Variants in DMXL1 observed in about 807,000 individuals in gnomAD.
DMXL1 encodes the protein Dmx like 1.
Under a neutral mutation model 319.2 loss-of-function variants are expected in DMXL1, and 99 were observed. That is an observed-to-expected ratio of 0.31 (90% CI 0.26 to 0.37). The LOEUF (loss-of-function observed/expected upper bound fraction) is 0.37. DMXL1 is among the 10% of genes least tolerant of loss of function. The pLI is 1.00. For synonymous variants in DMXL1, 1,385 were observed against 1,235.2 expected, an observed-to-expected ratio of 1.12 and a Z score of -2.54; for missense variants, 3,745 against 3,595.6, an observed-to-expected ratio of 1.04 and a Z score of -1.06.
intron 1 of DMXL1, among the ~76,000 whole-genome samples, chr5:119,094,606 A>T (rs1352475374): frequency 4.6e-5 from 7 of 152,214 alleles, no homozygotes; most frequent in Non-Finnish European, 1.0e-4. Context: ...TATTTAAGAA[A>T]GTTATTTCAT....
chr5:119,116,412 T>C (rs888545530), intron 7 of DMXL1, 76 bp downstream of exon 7: 141 of 1,472,134 alleles, frequency 9.6e-5, no homozygotes, highest in South Asian at 1.6e-4. Context: ...CTCTCACTTT[T>C]GAGAGTCCAT....
At chr5:119,078,962 T>A (rs73240800) in intron 1 of DMXL1, among the ~76,000 whole-genome samples, 4,220 of 152,282 alleles carry the variant, frequency 0.028, 221 homozygotes, top group African/African-American at 0.096. Context: ...GGACCCTTTT[T>A]GTTTGCGCCA....
At position 119,197,888 on chromosome 5, in the gene DMXL1, G is replaced by A. The variant is rs1265825017; in HGVS notation, c.7677G>A (p.Glu2559=). The change falls in exon 32 of 44, where the codon GAG becomes GAA. Residue 2559 remains glutamate (E), a synonymous_variant. Transcript: ENST00000539542. ...QNYIASHTAE[E]SLSAGPAILR... ...ATATCGCAAGTCATACCGCCGAAGAGAGTTTGTCTGCAGGTCCTGCAATTC... is the reference window on the plus strand; with the variant it reads ...ATATCGCAAGTCATACCGCCGAAGAAAGTTTGTCTGCAGGTCCTGCAATTC... 8 of 1,614,210 alleles carry A rather than the reference G, an allele frequency of 5.0e-6. No individual in the cohort carries two copies. In the South Asian group the frequency reaches 8.8e-5, roughly 18 times the overall value.
In DMXL1 at chr5:119,193,803, A is replaced by C. The variant is rs759901830; in HGVS notation, c.7315-25A>C. 15 of 1,606,110 alleles carry C rather than the reference A, an allele frequency of 9.3e-6. No homozygotes were observed. The Admixed American group carries it at 1.3e-4, about 14-fold the overall frequency. On this transcript the variant is annotated intron_variant, in intron 29 of 43. Coordinates refer to ENST00000539542, the MANE Select transcript of DMXL1 (RefSeq NM_001290321.3). ...GTATTAAATTAGATATGTGGCTGCT[A>C]AATTTCATGATTTCTTTATTTTAGC...
At chr5:119,119,048 T>G in intron 8 of DMXL1, 44 bp downstream of exon 8, 6 of 1,353,646 alleles carry the variant, frequency 4.4e-6, no homozygotes, top group Non-Finnish European at 6.1e-6. Flanking sequence ...TTTAAAACCT[T>G]TGGTACATTG....
intron 37 of DMXL1, among the ~76,000 whole-genome samples, chr5:119,223,868 A>G (rs1785072148): frequency 6.6e-6 from 1 of 152,178 alleles, no homozygotes; most frequent in South Asian, 2.1e-4. Context: ...AAGTTTACTA[A>G]ACAGAAGTCA....
At chr5:119,088,444 A>G (rs1753855319) in intron 1 of DMXL1, among the ~76,000 whole-genome samples, 2 of 152,064 alleles carry the variant, frequency 1.3e-5, no homozygotes, top group Non-Finnish European at 2.9e-5. Flanking sequence ...GCCCCTTTAC[A>G]TTGTGTTGTT....
intron 38 of DMXL1, 80 bp from the exon 39 acceptor site, chr5:119,233,260 A>T: frequency 7.0e-7 from 1 of 1,426,568 alleles, no homozygotes; most frequent in Non-Finnish European, 9.6e-7. Context: ...TTTCATAAAG[A>T]TTTTCACATA....
intron 30 of DMXL1, among the ~76,000 whole-genome samples, chr5:119,194,195 C>T (rs1208655889): frequency 6.6e-6 from 1 of 151,892 alleles, no homozygotes; most frequent in Non-Finnish European, 1.5e-5. Context: ...TGTTAAATTC[C>T]TTTCCTTAAC....
intron 9 of DMXL1, among the ~76,000 whole-genome samples, chr5:119,126,297 G>C (rs979411934): frequency 2.6e-5 from 4 of 151,848 alleles, no homozygotes; most frequent in African/African-American, 9.7e-5. Context: ...AATAAAATAA[G>C]GTAAAATAAA....
At chr5:119,082,489 G>A (rs1435282708) in intron 1 of DMXL1, among the ~76,000 whole-genome samples, 2 of 152,068 alleles carry the variant, frequency 1.3e-5, no homozygotes. Flanking sequence ...TACCCAGACT[G>A]GTCGTGAACT....
intron 38 of DMXL1, among the ~76,000 whole-genome samples, chr5:119,227,582 A>T (rs1785826210): frequency 6.6e-6 from 1 of 151,828 alleles, no homozygotes; most frequent in Non-Finnish European, 1.5e-5. Flanking sequence ...GTAAGGGACT[A>T]TATATGTACA....
At chr5:119,108,695 C>T (rs906583322) in intron 4 of DMXL1, among the ~76,000 whole-genome samples, 4 of 152,212 alleles carry the variant, frequency 2.6e-5, no homozygotes, top group South Asian at 2.1e-4. Context: ...GGTGGGATTA[C>T]AGGTGTGAGC....
rs1010044605 is a variant in DMXL1, at chr5:119,248,728, C to A, written c.*1509C>A. 1.3e-5 allele frequency: 2 copies of A among 152,360 alleles called. No homozygotes were observed. The highest frequency in any genetic ancestry group is 4.8e-5 in the African/African-American group (2 of 41,384). 9.4% of individuals were successfully genotyped at this position (152,360 alleles called of 1,614,324 possible). Reference sequence around the variant, plus strand: ...GTTAAAGATTTTGTAAATTGTATTTCAACAATTTTAAATGTGTTGAGCAAG... The same window carrying A: ...GTTAAAGATTTTGTAAATTGTATTTAAACAATTTTAAATGTGTTGAGCAAG... On this transcript the variant is annotated 3_prime_UTR_variant, in exon 44 of 44. Transcript: ENST00000539542.
rs1765538321 is a variant in DMXL1, at chr5:119,134,323, G to A, written c.2310G>A (p.Leu770=). 2 of 1,613,750 alleles carry A rather than the reference G, an allele frequency of 1.2e-6. No individual in the cohort carries two copies. Among genetic ancestry groups the A allele is most frequent in the Non-Finnish European group, 1.7e-6 (2 of 1,179,888 alleles). The part of the protein sequence containing the change: ...ACFVASDGQY[L]RLYEAVIDAK... ...TTGTAGCCAGTGATGGACAATATCT[G>A]AGATTATATGAAGCAGTTATTGATG... The change falls in exon 13 of 44, where the codon CTG becomes CTA. Residue 770 remains leucine (L), a synonymous_variant. Coordinates refer to ENST00000539542, the MANE Select transcript of DMXL1 (RefSeq NM_001290321.3).
chr5:119,088,116 T>G (rs1038994147), intron 1 of DMXL1, among the ~76,000 whole-genome samples: 4 of 152,224 alleles, frequency 2.6e-5, no homozygotes, highest in African/African-American at 9.6e-5. Flanking sequence ...TTGCTTTATA[T>G]GCTTGAGAGC....
chr5:119,177,197 A>T (rs897776622), intron 26 of DMXL1, among the ~76,000 whole-genome samples, 160 bp from the exon 27 acceptor site: 1 of 152,130 alleles, frequency 6.6e-6, no homozygotes, highest in Non-Finnish European at 1.5e-5. Flanking sequence ...CACTTAAAGG[A>T]TACTTTGTTT....
At chr5:119,079,536 C>T (rs1411165488) in intron 1 of DMXL1, among the ~76,000 whole-genome samples, 5 of 152,238 alleles carry the variant, frequency 3.3e-5, no homozygotes, top group African/African-American at 1.2e-4. Context: ...CTTGAATTGT[C>T]TGTATTTGTT....
intron 22 of DMXL1, among the ~76,000 whole-genome samples, chr5:119,167,247 A>G (rs575481839): frequency 6.6e-6 from 1 of 152,284 alleles, no homozygotes; most frequent in South Asian, 2.1e-4. Flanking sequence ...CAACCTTTTA[A>G]TATGGAGACT....
Sources: allele counts gnomAD v4.1 joint callset (sites outside exome capture counted in the v4.1 genomes callset), GRCh38; gene constraint gnomAD v4.1.1; transcripts MANE v1.5; gene names NCBI Gene and HGNC (gene_info 2026-07-23, HGNC 2026-07-21).